Variants in NRF1 observed in about 807,000 individuals in gnomAD.
NRF1 encodes alpha palindromic-binding protein.
A neutral mutation model predicts 58.5 loss-of-function variants in NRF1; 5 were observed. The observed-to-expected ratio is 0.09, with a 90% CI of 0.04 to 0.18. The LOEUF (loss-of-function observed/expected upper bound fraction) is 0.18, where lower values mean the gene tolerates loss of function less well. Ranked by LOEUF, NRF1 falls within the 10% of genes least tolerant of loss-of-function variation. The pLI, the probability that NRF1 is intolerant of heterozygous loss-of-function variation, is 1.00. For missense variants in NRF1, 288 were observed against 657.7 expected (o/e 0.44, Z 6.15); for synonymous variants, 224 against 246.7 (o/e 0.91, Z 0.86).
At chr7:129,697,957 G>A (rs570566797) in intron 5 of NRF1, among the ~76,000 whole-genome samples, 281 of 152,134 alleles carry the variant, frequency 1.8e-3, no homozygotes, top group Middle Eastern at 6.8e-3. Flanking sequence ...GTCTCGAACT[G>A]CTGAGCTCAG....
At chr7:129,649,728 T>C (rs1801493709) in intron 1 of NRF1, among the ~76,000 whole-genome samples, 1 of 152,156 alleles carries the variant, frequency 6.6e-6, no homozygotes. Context: ...CCTCTTGTAG[T>C]TTATATTATA....
At chr7:129,720,155 A>G (rs977251321) in intron 9 of NRF1, among the ~76,000 whole-genome samples, 4 of 152,196 alleles carry the variant, frequency 2.6e-5, no homozygotes, top group Admixed American at 6.5e-5. Flanking sequence ...TCTCTTTGCA[A>G]TCAGGTAGTT....
At chr7:129,636,377 G>A (rs951181917) in intron 1 of NRF1, among the ~76,000 whole-genome samples, 26 of 152,082 alleles carry the variant, frequency 1.7e-4, no homozygotes, top group African/African-American at 5.6e-4. Context: ...TGGGATTACA[G>A]GTGTGTGCCC....
chr7:129,635,318 G>GT (rs1801145159), intron 1 of NRF1, among the ~76,000 whole-genome samples: 1 of 152,090 alleles, frequency 6.6e-6, no homozygotes, highest in Non-Finnish European at 1.5e-5. Context: ...AAGAGTTTTG[G>GT]TTTTTTTCCT....
At chr7:129,716,472 T>TA (rs1803191674) in intron 8 of NRF1, among the ~76,000 whole-genome samples, 1 of 152,180 alleles carries the variant, frequency 6.6e-6, no homozygotes, top group Non-Finnish European at 1.5e-5. Flanking sequence ...TTAAACTTTA[T>TA]TATGTATTTA....
In NRF1 at chr7:129,690,483, T is replaced by G. The variant is rs1250516197; in HGVS notation, c.543T>G (p.Val181=). The part of the protein sequence containing the change: ...LAEHAPAPQE[V]NSELPPLTID... ...AACACGCCCCTGCGCCACAGGAGGT[T>G]AACTCAGAACTGCCGCCTCTCACCA... The change falls in exon 5 of 11, where the codon GTT becomes GTG. Residue 181 remains valine, a synonymous_variant. Transcript: ENST00000393232. 6.2e-7 allele frequency: 1 copy of G among 1,614,046 alleles called. No individual in the cohort carries two copies. The highest frequency in any genetic ancestry group is 8.5e-7 in the Non-Finnish European group (1 of 1,180,034).
At chr7:129,614,947 G>T (rs1257492045) in intron 1 of NRF1, among the ~76,000 whole-genome samples, 3 of 152,160 alleles carry the variant, frequency 2.0e-5, no homozygotes, top group Admixed American at 6.5e-5. Flanking sequence ...AAATAATCAC[G>T]AATGAGTGAC....
At chr7:129,700,346 G>A (rs1245701683) in intron 5 of NRF1, among the ~76,000 whole-genome samples, 1 of 151,996 alleles carries the variant, frequency 6.6e-6, no homozygotes, top group East Asian at 1.9e-4. Flanking sequence ...AGTCACCTAG[G>A]GAACTTAAAA....
At chr7:129,659,377 C>T (rs926432874) in intron 2 of NRF1, among the ~76,000 whole-genome samples, 7 of 152,222 alleles carry the variant, frequency 4.6e-5, no homozygotes, top group South Asian at 4.1e-4. Flanking sequence ...CCGCATCCAG[C>T]GAACAATATT....
chr7:129,745,954 T>C (rs1421936585), intron 10 of NRF1, among the ~76,000 whole-genome samples: 1 of 152,232 alleles, frequency 6.6e-6, no homozygotes, highest in African/African-American at 2.4e-5. Context: ...TGAGCCTGTC[T>C]CAACCAGAGT....
chr7:129,700,852 G>T (rs1336092408), intron 5 of NRF1, among the ~76,000 whole-genome samples: 3 of 152,042 alleles, frequency 2.0e-5, no homozygotes, highest in African/African-American at 7.2e-5. Context: ...GGAGTTCAAG[G>T]CTGCAGTGAG....
chr7:129,735,312 A>C (rs1171658672), intron 10 of NRF1: 1 of 838,306 alleles, frequency 1.2e-6, no homozygotes. Context: ...CGGGCGGATC[A>C]CAAGGTCAGG....
intron 1 of NRF1, among the ~76,000 whole-genome samples, chr7:129,651,830 T>C (rs369897323): frequency 7.4e-4 from 113 of 152,332 alleles, no homozygotes; most frequent in African/African-American, 2.5e-3. Context: ...ATATATTCCC[T>C]TGGATATTCT....
chr7:129,755,080 G>A lies in NRF1; in HGVS notation c.1411G>A (p.Gly471Arg), dbSNP rs564067068. Residue 471 changes from glycine (G) to arginine (R), a missense_variant, in exon 11 of 11, where the codon GGA becomes AGA. By Grantham distance (125) the Gly-to-Arg change is moderately radical. Coordinates refer to ENST00000393232, the MANE Select transcript of NRF1 (RefSeq NM_005011.5). The surrounding 1 kb of genome is among the most constrained non-coding windows in gnomAD (Gnocchi z 5.8). ...TVVTSLAQGN[G>R]PVQVAMAPVT... Reference sequence around the variant, plus strand: ...GGTGACCAGCCTCGCCCAGGGCAACGGACCAGTGCAGGTGGCCATGGCCCC... The same window carrying A: ...GGTGACCAGCCTCGCCCAGGGCAACAGACCAGTGCAGGTGGCCATGGCCCC... 3.8e-5 allele frequency: 61 copies of A among 1,613,858 alleles called. No individual in the cohort carries two copies. Among genetic ancestry groups the A allele is most frequent in the Admixed American group, 2.2e-4 (13 of 59,966 alleles).
chr7:129,666,398 A>G (rs891192505), intron 2 of NRF1, among the ~76,000 whole-genome samples: 1 of 152,190 alleles, frequency 6.6e-6, no homozygotes, highest in Non-Finnish European at 1.5e-5. Flanking sequence ...ATTTTATATT[A>G]ATGGTATCAC....
chr7:129,667,741 GTATTTATTTATTTATT>G (rs140688640), intron 2 of NRF1, among the ~76,000 whole-genome samples: 3,122 of 144,466 alleles, frequency 0.022, 80 homozygotes, highest in African/African-American at 0.071. Flanking sequence ...AATTTTAAAG[GTATTTATTTATTTATT>G]TATTTATTTA....
chr7:129,697,425 G>T (rs1802725003), intron 5 of NRF1, among the ~76,000 whole-genome samples: 1 of 151,800 alleles, frequency 6.6e-6, no homozygotes, highest in African/African-American at 2.4e-5. Context: ...GCACATGCCT[G>T]TAGTCCCAGC....
rs115491344 is a variant in NRF1, at chr7:129,732,084, A to G, written c.1348+4719A>G. Reference sequence around the variant, plus strand: ...CTCCTGACCTCCAGGACTGACAGATACAGGCATTCACTCAGACTTGAGGAG... The same window carrying G: ...CTCCTGACCTCCAGGACTGACAGATGCAGGCATTCACTCAGACTTGAGGAG... On this transcript the variant is annotated intron_variant, in intron 10 of 10. Coordinates refer to ENST00000393232, the MANE Select transcript of NRF1 (RefSeq NM_005011.5). 4.2e-3 allele frequency among the ~76,000 whole-genome samples: 646 copies of G among 152,262 alleles called. 4 individuals carry two copies. Among genetic ancestry groups the G allele is most frequent in the African/African-American group, 0.015 (615 of 41,530 alleles).
At chr7:129,695,434 A>C (rs1486761553) in intron 5 of NRF1, among the ~76,000 whole-genome samples, 2 of 151,968 alleles carry the variant, frequency 1.3e-5, no homozygotes. Context: ...AAAATCAGCC[A>C]GGTGTGGTGG....
Sources: gnomAD v4.1 joint callset for allele counts (sites outside exome capture counted in the v4.1 genomes callset) on GRCh38, gnomAD v4.1.1 for gene constraint, Gnocchi (gnomAD v3.1) non-coding constraint, MANE v1.5 for transcripts, NCBI Gene and HGNC (gene_info 2026-07-23, HGNC 2026-07-21) for gene names.